The following LRP1B variants were observed in gnomAD, a reference collection of about 807,000 sequenced individuals.
The protein encoded by LRP1B is low-density lipoprotein receptor-related protein 1B.
Under a neutral mutation model 556.6 loss-of-function variants are expected in LRP1B, and 217 were observed. The ratio of observed to expected loss-of-function variants is 0.39; its 90% CI spans 0.35 to 0.44. LRP1B has a LOEUF of 0.44. LRP1B is among the 20% of genes least tolerant of loss of function. The pLI, the probability that LRP1B is intolerant of heterozygous loss-of-function variation, is 1.00. For synonymous variants in LRP1B, 2,047 were observed against 1,865.8 expected (o/e 1.10, Z -2.50); for missense variants, 5,053 against 5,620.8 (o/e 0.90, Z 3.23).
intron 7 of LRP1B, among the ~76,000 whole-genome samples, chr2:141,111,417 T>G (rs1207208413): frequency 3.3e-5 from 5 of 152,124 alleles, no homozygotes; most frequent in South Asian, 2.1e-4. Flanking sequence ...ATTTTAAAAT[T>G]TTTCACCTTT....
Position 141,810,380 on chromosome 2 carries a change from C to G in LRP1B, c.104G>C (p.Gly35Ala), listed in dbSNP as rs1031451752. The change falls in exon 2 of 91, where the codon GGT becomes GCT. Residue 35 changes from glycine to alanine, a missense_variant. Physicochemically the swap from Gly to Ala is moderately conservative, Grantham distance 60. Around this residue, in one of 5 missense-constraint regions of LRP1B, gnomAD observed 3,619 missense variants for 3,931.9 expected, o/e 0.92. Transcript: ENST00000389484. ...CACGTGATCGTGGCAAAGAAATTCA[C>G]CAGGATCACACAACTGCTGATCTGA... ...ADRDQQLCDP[G>A]EFLCHDHVTC... is the part of the protein sequence containing the mutation. 1.9e-6 allele frequency: 3 copies of G among 1,612,902 alleles called. No homozygotes were observed. The highest frequency in any genetic ancestry group is 2.5e-6 in the Non-Finnish European group (3 of 1,179,364).
In LRP1B at chr2:141,545,571, A is replaced by G. The variant is rs1685521244; in HGVS notation, c.206-65038T>C. Among the ~76,000 whole-genome samples the G allele has an allele frequency of 4.6e-5, 7 of 152,308 alleles. No individual in the cohort carries two copies. In the South Asian group the frequency reaches 1.5e-3, roughly 32 times the overall value. The stretch of plus-strand genomic sequence containing the variant: ...CTTTCAAGCAAAGAAGCAGCCAGGC[A>G]TGGAGGCTCATGAATGTAATCACAG... On this transcript the variant is annotated intron_variant, in intron 2 of 90. Transcript: ENST00000389484.
At position 141,451,628 on chromosome 2, in the gene LRP1B, T is replaced by TA. The variant is rs755634276; in HGVS notation, c.343+28767dup. Reference sequence around the variant, plus strand: ...TTGTTCTCATAGAAGTTATACGTTATAAAAAAAACTGGCCACAAACAGAAG... The same window carrying TA: ...TTGTTCTCATAGAAGTTATACGTTATAAAAAAAAACTGGCCACAAACAGAAG... On this transcript the variant is annotated intron_variant, in intron 3 of 90. Transcript: ENST00000389484. 1.3e-3 allele frequency among the ~76,000 whole-genome samples: 200 copies of TA among 152,084 alleles called. 2 individuals carry two copies. The highest frequency in any genetic ancestry group is 3.4e-3 in the Middle Eastern group (1 of 294).
At chr2:141,074,691 A>G (rs1699742191) in intron 7 of LRP1B, among the ~76,000 whole-genome samples, 1 of 150,452 alleles carries the variant, frequency 6.6e-6, no homozygotes, top group Non-Finnish European at 1.5e-5. Context: ...AAATTTCCTC[A>G]TATGGGAATC....
intron 49 of LRP1B, among the ~76,000 whole-genome samples, chr2:140,519,162 A>G (rs1331990676): frequency 6.6e-6 from 1 of 152,134 alleles, no homozygotes; most frequent in African/African-American, 2.4e-5. Context: ...AGACAATCCT[A>G]AGCAAAAAGA....
intron 66 of LRP1B, among the ~76,000 whole-genome samples, chr2:140,392,927 T>C (rs1684085738): frequency 6.7e-6 from 1 of 149,660 alleles, no homozygotes; most frequent in Admixed American, 6.7e-5. Context: ...GCCTTTCATA[T>C]ATAACTTTTT....
chr2:140,778,204 C>A (rs1689565612), intron 32 of LRP1B, among the ~76,000 whole-genome samples: 1 of 152,062 alleles, frequency 6.6e-6, no homozygotes, highest in East Asian at 1.9e-4. Flanking sequence ...GCTTGAACTG[C>A]AAAAAGAATT....
chr2:140,576,873 C>A (rs765172578), intron 43 of LRP1B, among the ~76,000 whole-genome samples: 1 of 152,152 alleles, frequency 6.6e-6, no homozygotes, highest in African/African-American at 2.4e-5. Context: ...TCCTTTCTTA[C>A]AGGCTTCCAT....
chr2:140,427,177 A>T (rs891863772), intron 66 of LRP1B, among the ~76,000 whole-genome samples: 2 of 152,144 alleles, frequency 1.3e-5, no homozygotes, highest in African/African-American at 4.8e-5. Context: ...CATTGCGAGG[A>T]CACCTCTCTG....
At chr2:141,085,101 G>T (rs1444519519) in intron 7 of LRP1B, among the ~76,000 whole-genome samples, 3 of 141,398 alleles carry the variant, frequency 2.1e-5, no homozygotes, top group Non-Finnish European at 4.6e-5. Context: ...GTTGCCCTAA[G>T]AGAGAAGGTA....
intron 77 of LRP1B, among the ~76,000 whole-genome samples, chr2:140,336,364 C>T (rs1457889377): frequency 6.7e-6 from 1 of 148,474 alleles, no homozygotes; most frequent in Non-Finnish European, 1.5e-5. Flanking sequence ...GCCATTACAA[C>T]TAAAGTTATG....
intron 48 of LRP1B, 92 bp from the exon 49 acceptor site, chr2:140,526,085 TC>T: frequency 7.0e-7 from 1 of 1,419,620 alleles, no homozygotes; most frequent in South Asian, 1.2e-5. Flanking sequence ...AAAGTTAACT[TC>T]ATTTGAGGAA....
At chr2:141,759,381 C>T (rs921698040) in intron 2 of LRP1B, among the ~76,000 whole-genome samples, 2 of 151,934 alleles carry the variant, frequency 1.3e-5, no homozygotes, top group African/African-American at 2.4e-5. Context: ...TATTAGAATG[C>T]AGAGTCAAGA....
intron 2 of LRP1B, among the ~76,000 whole-genome samples, chr2:141,514,055 G>T (rs553471823): frequency 1.3e-4 from 20 of 152,106 alleles, no homozygotes; most frequent in African/African-American, 4.3e-4. Context: ...TCCTCAGTGT[G>T]GTCATTCTGG....
intron 41 of LRP1B, among the ~76,000 whole-genome samples, chr2:140,601,907 T>C (rs1462587114): frequency 5.9e-5 from 9 of 152,224 alleles, no homozygotes; most frequent in Admixed American, 2.0e-4. Context: ...CCTTTCATTT[T>C]GGAAAATGGT....
chr2:141,283,286 A>G (rs1468974049), intron 3 of LRP1B, among the ~76,000 whole-genome samples: 2 of 152,206 alleles, frequency 1.3e-5, no homozygotes, highest in South Asian at 4.1e-4. Context: ...CTAAGTAGAA[A>G]TGTATCAGGC....
intron 18 of LRP1B, among the ~76,000 whole-genome samples, chr2:140,969,721 T>G (rs925462136): frequency 6.6e-6 from 1 of 152,172 alleles, no homozygotes; most frequent in African/African-American, 2.4e-5. Flanking sequence ...GCGGGCCTAG[T>G]GGTGACAAAA....
At chr2:141,096,584 A>T (rs10206382) in intron 7 of LRP1B, among the ~76,000 whole-genome samples, 48,746 of 138,516 alleles carry the variant, frequency 0.35, 8,918 homozygotes, top group East Asian at 0.66. Context: ...TGAGCCGAGA[A>T]CATGCCACTG....
chr2:140,852,801 T>G (rs971806878), intron 27 of LRP1B, among the ~76,000 whole-genome samples: 1 of 152,144 alleles, frequency 6.6e-6, no homozygotes, highest in South Asian at 2.1e-4. Flanking sequence ...CTGAATGTCT[T>G]GGGACATTTT....
Sources: allele counts gnomAD v4.1 joint callset (sites outside exome capture counted in the v4.1 genomes callset), GRCh38; gene constraint gnomAD v4.1.1; regional missense constraint gnomAD v4.1.1; transcripts MANE v1.5; gene names NCBI Gene and HGNC (gene_info 2026-07-23, HGNC 2026-07-21).